SNX13: variants seen among roughly 807,000 people sequenced by gnomAD.
SNX13 encodes the protein sorting nexin-13.
A neutral mutation model predicts 133.6 loss-of-function variants in SNX13; 45 were observed. The ratio of observed to expected loss-of-function variants is 0.34; its 90% CI spans 0.27 to 0.43. The LOEUF (loss-of-function observed/expected upper bound fraction) is 0.43. SNX13 is among the 20% of genes least tolerant of loss of function. The probability of loss-of-function intolerance (pLI) is 1.00; values close to 1 mark genes in which losing one functional copy is unlikely to be tolerated. For missense variants in SNX13, 1,032 were observed against 1,145.1 expected, an observed-to-expected ratio of 0.90 and a Z score of 1.43; for synonymous variants, 414 against 373.9, an observed-to-expected ratio of 1.11 and a Z score of -1.24.
intron 11 of SNX13, among the ~76,000 whole-genome samples, chr7:17,849,973 ACT>A (rs1232186504): frequency 6.6e-6 from 1 of 152,038 alleles, no homozygotes; most frequent in African/African-American, 2.4e-5. Flanking sequence ...TTATTTCCTG[ACT>A]CTGCAACTAA....
intron 1 of SNX13, among the ~76,000 whole-genome samples, chr7:17,917,847 C>T (rs2714856): frequency 0.41 from 61,555 of 151,892 alleles, 12,923 homozygotes; most frequent in South Asian, 0.6. Context: ...AAAGCAATCC[C>T]AAGCAAAAGA....
At chr7:17,868,618 G>T in intron 8 of SNX13, 128 bp from the exon 9 acceptor site, 1 of 641,660 alleles carries the variant, frequency 1.6e-6, no homozygotes, top group Non-Finnish European at 2.6e-6. Flanking sequence ...GACTTGATAA[G>T]CAACACAGTC....
rs761233470 is a variant in SNX13 at position 17,794,048 on chromosome 7, C to G, written c.2871G>C (p.Arg957Ser). The G allele has an allele frequency of 1.9e-6, 3 of 1,610,684 alleles. No homozygotes were observed. Among genetic ancestry groups the G allele is most frequent in the South Asian group, 2.2e-5 (2 of 90,924 alleles). Residue 957 changes from arginine (R) to serine (S), a missense_variant, in exon 26 of 26, where the codon AGG (arginine) becomes AGC (serine). Arg to Ser is a moderately radical substitution (Grantham distance 110). Coordinates refer to ENST00000428135, the MANE Select transcript of SNX13 (RefSeq NM_015132.5). ...QTTQAPSLQK[R>S] ...ACCAGCTTCATAGAGTGGAGTGTCA[C>G]CTTTTCTGCAAAGAAGGCGCTTGAG...
Position 17,824,737 on chromosome 7 carries a change from T to G in SNX13, c.1705+1285A>C, listed in dbSNP as rs985589225. Among the ~76,000 whole-genome samples, 4 of 151,986 alleles carry G rather than the reference T, an allele frequency of 2.6e-5. No homozygotes were observed. The South Asian group carries it at 8.3e-4, about 31-fold the overall frequency. On this transcript the variant is annotated intron_variant, in intron 17 of 25. Coordinates refer to ENST00000428135, the MANE Select transcript of SNX13 (RefSeq NM_015132.5). ...CTCTTAACCACTATAGTATGCTGCT[T>G]CTTCAGTATTTACATATGTTTGTCA...
In SNX13 at chr7:17,884,349, C is replaced by T. The variant is rs117813657; in HGVS notation, c.440+6014G>A. ...AAATAGGTGTATATTACTTTACAGC[C>T]AGAAACAGAAACATTTGGTTGTCAG... is the stretch of plus-strand genomic sequence containing the variant. On this transcript the variant is annotated intron_variant, in intron 5 of 25. Transcript: ENST00000428135. Among the ~76,000 whole-genome samples the T allele has an allele frequency of 4.6e-5, 7 of 152,216 alleles. No homozygotes were observed. The East Asian group carries it at 1.4e-3, about 29-fold the overall frequency.
At chr7:17,798,030 C>T (rs1029044516) in intron 24 of SNX13, among the ~76,000 whole-genome samples, 7 of 151,834 alleles carry the variant, frequency 4.6e-5, no homozygotes, top group Non-Finnish European at 1.5e-5. Context: ...ACTGATAGTT[C>T]CCTTCTTGCT....
intron 12 of SNX13, among the ~76,000 whole-genome samples, chr7:17,845,198 A>G (rs945583617): frequency 6.6e-6 from 1 of 152,106 alleles, no homozygotes; most frequent in Non-Finnish European, 1.5e-5. Context: ...CAGCATTAAA[A>G]AGGAAGGAAA....
chr7:17,867,237 A>G (rs1793501874), intron 9 of SNX13, among the ~76,000 whole-genome samples: 1 of 152,188 alleles, frequency 6.6e-6, no homozygotes, highest in African/African-American at 2.4e-5. Context: ...AGGCTCCAGA[A>G]GTACACAATT....
At chr7:17,848,534 C>T (rs868174393) in intron 11 of SNX13, among the ~76,000 whole-genome samples, 1 of 152,224 alleles carries the variant, frequency 6.6e-6, no homozygotes, top group Non-Finnish European at 1.5e-5. Flanking sequence ...CGCTGTAACA[C>T]ACCTTCTAGG....
Position 17,869,918 on chromosome 7 carries a change from C to G in SNX13, c.754-1428G>C, listed in dbSNP as rs563202749. 1.1e-3 allele frequency among the ~76,000 whole-genome samples: 163 copies of G among 151,868 alleles called. 4 individuals are homozygous for G. The South Asian group carries it at 0.033, about 31-fold the overall frequency. ...CACACACACACTTTTTCCAATGCTT[C>G]TTTTCAAAAGGAGAAAAAAACACCT... On this transcript the variant is annotated intron_variant, in intron 8 of 25. Coordinates refer to ENST00000428135, the MANE Select transcript of SNX13 (RefSeq NM_015132.5).
At chr7:17,868,624 C>G (rs1302795452) in intron 8 of SNX13, 134 bp from the exon 9 acceptor site, 14 of 626,934 alleles carry the variant, frequency 2.2e-5, no homozygotes, top group Admixed American at 3.3e-5. Context: ...ATAAGCAACA[C>G]AGTCTTATAA....
In SNX13 at chr7:17,863,564, C is replaced by T. The variant is rs999511450; in HGVS notation, c.837+4843G>A. Among the ~76,000 whole-genome samples the T allele has an allele frequency of 3.3e-5, 5 of 152,360 alleles. No individual in the cohort carries two copies. The Middle Eastern group carries it at 0.017, about 518-fold the overall frequency. On this transcript the variant is annotated intron_variant, in intron 9 of 25. Coordinates refer to ENST00000428135, the MANE Select transcript of SNX13 (RefSeq NM_015132.5). ...CTCCTGGACAGCATTTCTAGACCCA[C>T]CCTTGGCCAGAAGGGAAGCTGTTGC...
intron 1 of SNX13, among the ~76,000 whole-genome samples, chr7:17,924,654 G>A (rs1044100751): frequency 1.7e-4 from 26 of 152,144 alleles, no homozygotes; most frequent in African/African-American, 5.8e-4. Flanking sequence ...AAAAAACACT[G>A]TGGAAACACA....
intron 10 of SNX13, 99 bp downstream of exon 10, chr7:17,850,727 C>T (rs1166812038): frequency 1.0e-6 from 1 of 982,616 alleles, no homozygotes; most frequent in African/African-American, 1.7e-5. Context: ...AAGGTGAAAA[C>T]ATTAATATCA....
chr7:17,814,731 G>C, intron 20 of SNX13, 103 bp downstream of exon 20: 2 of 997,810 alleles, frequency 2.0e-6, no homozygotes, highest in Non-Finnish European at 2.8e-6. Flanking sequence ...AAATTTTCTA[G>C]TTTTAAAACA....
intron 20 of SNX13, among the ~76,000 whole-genome samples, chr7:17,808,172 G>C (rs1333729452): frequency 6.6e-6 from 1 of 152,096 alleles, no homozygotes; most frequent in Non-Finnish European, 1.5e-5. Context: ...ACCTAAAGGA[G>C]CATGTTCTAA....
chr7:17,847,318 A>G (rs961194334), intron 11 of SNX13, among the ~76,000 whole-genome samples: 1 of 151,912 alleles, frequency 6.6e-6, no homozygotes, highest in Non-Finnish European at 1.5e-5. Context: ...ACTAAATTTA[A>G]GGGTTTTTTT....
chr7:17,851,715 CGGGCGGGGG>C (rs1791229060), intron 9 of SNX13, among the ~76,000 whole-genome samples: 1 of 10,172 alleles, frequency 9.8e-5, no homozygotes, highest in Non-Finnish European at 2.1e-4. Flanking sequence ...CAGCATTTGC[CGGGCGGGGG>C]GGGCGGGGAG....
rs1783747602 is a variant in SNX13, at chr7:17,793,579, T to A, written c.*466A>T. The A allele has an allele frequency of 6.5e-6, 1 of 153,342 alleles. No homozygotes were observed. Among genetic ancestry groups the A allele is most frequent in the African/African-American group, 2.4e-5 (1 of 41,418 alleles). The allele number at this position is 153,342 out of a possible 1,614,324, so 9.5% of individuals were successfully genotyped here. A position where few individuals can be genotyped will look rare whatever the true frequency, so the allele number is the denominator to read the frequency against. The stretch of plus-strand genomic sequence containing the variant: ...TCATTCACCTGGCTAATCCACAATA[T>A]ATCAAAATGCTGACAGACCTACAAA... On this transcript the variant is annotated 3_prime_UTR_variant, in exon 26 of 26. Coordinates refer to ENST00000428135, the MANE Select transcript of SNX13 (RefSeq NM_015132.5).
Sources: allele counts gnomAD v4.1 joint callset (sites outside exome capture counted in the v4.1 genomes callset), GRCh38; gene constraint gnomAD v4.1.1; transcripts MANE v1.5; gene names NCBI Gene and HGNC (gene_info 2026-07-23, HGNC 2026-07-21).